Variants in SPTBN5 observed in about 807,000 individuals in gnomAD.
SPTBN5 encodes the protein spectrin beta chain, non-erythrocytic 5.
Under a neutral mutation model 477.6 loss-of-function variants are expected in SPTBN5, and 513 were observed. The observed-to-expected ratio is 1.07, with a 90% CI of 1.00 to 1.16. The LOEUF (loss-of-function observed/expected upper bound fraction) is 1.16, where lower values mean the gene tolerates loss of function less well. Among genes scored for constraint, SPTBN5 ranks in the 50% most tolerant of loss-of-function variants. SPTBN5 has a pLI of 0.00. For synonymous variants in SPTBN5, 2,169 were observed against 2,011.7 expected, an observed-to-expected ratio of 1.08 and a Z score of -2.09; for missense variants, 5,062 against 4,731.8, an observed-to-expected ratio of 1.07 and a Z score of -2.05.
At position 41,882,034 on chromosome 15, in the gene SPTBN5, G is replaced by A. The variant is rs932114416; in HGVS notation, c.2359C>T (p.His787Tyr). ...QAAAETLLRRHVRLERVLRAF... is the reference protein window; with the variant it reads ...QAAAETLLRRYVRLERVLRAF... ...CGCAGGACGCGCTCCAGCCGCACGTGGCGCCTCAGCAGGGTCTCGGCGGCC... is the reference window on the plus strand; with the variant it reads ...CGCAGGACGCGCTCCAGCCGCACGTAGCGCCTCAGCAGGGTCTCGGCGGCC... Residue 787 changes from histidine to tyrosine, a missense_variant, in exon 12 of 68, where the codon CAC (histidine) becomes TAC (tyrosine). Physicochemically the swap from His to Tyr is moderately conservative, Grantham distance 83 (BLOSUM62 2). Transcript: ENST00000320955. The A allele has an allele frequency of 3.2e-6, 5 of 1,549,656 alleles. No homozygotes were observed. The highest frequency in any genetic ancestry group is 1.4e-5 in the African/African-American group (1 of 71,394).
chr15:41,871,484 C>T lies in SPTBN5; in HGVS notation c.5338G>A (p.Val1780Met), dbSNP rs768129231. ...CTKFAKFQHQ[V>M]EMGSQRVAAC... ...GCCACCCGCTGGCTGCCCATCTCCACTTGGTGCTGAAACTTTGCAAACTTG... is the reference window on the plus strand; with the variant it reads ...GCCACCCGCTGGCTGCCCATCTCCATTTGGTGCTGAAACTTTGCAAACTTG... The change falls in exon 29 of 68, where the codon GTG (valine) becomes ATG (methionine). Residue 1780 changes from valine to methionine, a missense_variant. Transcript: ENST00000320955. 4 of 1,529,396 alleles carry T rather than the reference C, an allele frequency of 2.6e-6. No homozygotes were observed. The highest frequency in any genetic ancestry group is 3.5e-6 in the Non-Finnish European group (4 of 1,137,246). The allele number at this position is 1,529,396 out of a possible 1,614,324, so 94.7% of individuals were successfully genotyped here.
chr15:41,868,034 G>A (rs1161055020), intron 34 of SPTBN5, 35 bp downstream of exon 34: 1 of 1,573,896 alleles, frequency 6.4e-7, no homozygotes, highest in Admixed American at 1.8e-5. Flanking sequence ...AGGAGCAGGA[G>A]GCTGAGCGGA....
rs922596080 is a variant in SPTBN5, at chr15:41,868,077, C to T, written c.6199G>A (p.Ala2067Thr). The T allele has an allele frequency of 1.2e-6, 2 of 1,600,996 alleles. No homozygotes were observed. The highest frequency in any genetic ancestry group is 8.5e-7 in the Non-Finnish European group (1 of 1,177,238). The change falls in exon 34 of 68, where the codon GCC (alanine) becomes ACC (threonine). Residue 2067 changes from alanine to threonine, a missense_variant. By Grantham distance (58) the Ala-to-Thr change is moderately conservative (BLOSUM62 0). Coordinates refer to ENST00000320955, the MANE Select transcript of SPTBN5 (RefSeq NM_016642.4). ...ECGRLEEILAAQEVSLKTSAL... is the reference protein window; with the variant it reads ...ECGRLEEILATQEVSLKTSAL... ...GGCGGGAGGGGACCTGCCTCCTGGG[C>T]CGCGAGGATCTCCTCCAGGCGGCCG... is the stretch of plus-strand genomic sequence containing the variant.
chr15:41,863,835 G>A lies in SPTBN5; in HGVS notation c.7035-17C>T. The A allele has an allele frequency of 6.2e-7, 1 of 1,613,392 alleles. No individual in the cohort carries two copies. The highest frequency in any genetic ancestry group is 1.1e-5 in the South Asian group (1 of 91,058). On this transcript the variant is annotated splice_polypyrimidine_tract_variant and intron_variant, in intron 40 of 67. Coordinates refer to ENST00000320955, the MANE Select transcript of SPTBN5 (RefSeq NM_016642.4). The stretch of plus-strand genomic sequence containing the variant: ...CTCGCCCACCTGGCCAAGGGGTGGT[G>A]GTGTCATGTGGAGCCTGAGGTGGCC...
At chr15:41,855,093 C>G (rs2065893508) in intron 55 of SPTBN5, 117 bp from the exon 56 acceptor site, 1 of 1,424,194 alleles carries the variant, frequency 7.0e-7, no homozygotes, top group Non-Finnish European at 9.4e-7. Flanking sequence ...GGTTCTGGAA[C>G]CATCGGGATC....
intron 49 of SPTBN5, among the ~76,000 whole-genome samples, chr15:41,857,912 A>G (rs894407421): frequency 2.0e-5 from 3 of 152,254 alleles, no homozygotes; most frequent in African/African-American, 7.2e-5. Flanking sequence ...AAATGAGATA[A>G]GTCATATAAA....
Position 41,863,890 on chromosome 15 carries a change from TC to T in SPTBN5, c.7034+18del. 1 of 1,613,498 alleles carries T rather than the reference TC, an allele frequency of 6.2e-7. No homozygotes were observed. Among genetic ancestry groups the T allele is most frequent in the Non-Finnish European group, 8.5e-7 (1 of 1,179,612 alleles). On this transcript the variant is annotated intron_variant, in intron 40 of 67. Coordinates refer to ENST00000320955, the MANE Select transcript of SPTBN5 (RefSeq NM_016642.4). ...ACCCCTCTTCCCGGCCCTTTGGTTC[TC>T]CCCAGCCTGGGACTGGCCTGTTGTT...
intron 59 of SPTBN5, 22 bp downstream of exon 59, chr15:41,853,236 G>T: frequency 6.4e-7 from 1 of 1,566,566 alleles, no homozygotes; most frequent in Non-Finnish European, 8.7e-7. Flanking sequence ...CCCAACCCCA[G>T]GCCCACCCTC....
rs1373627568 is a variant in SPTBN5, at chr15:41,871,408, C to T, written c.5414G>A (p.Gly1805Asp). 2 of 1,530,726 alleles carry T rather than the reference C, an allele frequency of 1.3e-6. No homozygotes were observed. The highest frequency in any genetic ancestry group is 4.1e-5 in the Admixed American group (2 of 49,348). 94.8% of individuals were successfully genotyped at this position (1,530,726 alleles called of 1,614,324 possible). ...CTGCTGCCTCTGACGGACCATGGGG[C>T]CAGCACTGTGCCCACGCTCTAGCAG... ...ESLLERGHSA[G>D]PMVRQRQQDL... The change falls in exon 29 of 68, where the codon GGC becomes GAC. Residue 1805 changes from glycine to aspartate, a missense_variant. Physicochemically the swap from Gly to Asp is moderately conservative, Grantham distance 94 (BLOSUM62 -1). Coordinates refer to ENST00000320955, the MANE Select transcript of SPTBN5 (RefSeq NM_016642.4).
intron 34 of SPTBN5, 142 bp downstream of exon 34, chr15:41,867,927 T>C: frequency 2.1e-5 from 25 of 1,188,188 alleles, no homozygotes; most frequent in Non-Finnish European, 2.6e-5. Flanking sequence ...CACTTCACCA[T>C]GGCCACCTGG....
chr15:41,848,556 G>GT lies in SPTBN5; in HGVS notation c.*59_*60insA, dbSNP rs2065631905. ...TTTGCCTGTAGCTGAGTCTTATTCT[G>GT]GTCCCTTAGATGTGTCCTCGCTTGT... is the stretch of plus-strand genomic sequence containing the variant. On this transcript the variant is annotated 3_prime_UTR_variant, in exon 68 of 68. Coordinates refer to ENST00000320955, the MANE Select transcript of SPTBN5 (RefSeq NM_016642.4). 1.2e-6 allele frequency: 2 copies of GT among 1,604,768 alleles called. No individual in the cohort carries two copies. Among genetic ancestry groups the GT allele is most frequent in the South Asian group, 1.1e-5 (1 of 90,900 alleles).
chr15:41,871,362 G>A lies in SPTBN5; in HGVS notation c.5447+13C>T, dbSNP rs184846321. 2.2e-4 allele frequency: 311 copies of A among 1,411,162 alleles called. No individual in the cohort carries two copies. The East Asian group carries it at 3.9e-3, about 18-fold the overall frequency. The allele number at this position is 1,411,162 out of a possible 1,614,324, so 87.4% of individuals were successfully genotyped here. On this transcript the variant is annotated intron_variant, in intron 29 of 67. Coordinates refer to ENST00000320955, the MANE Select transcript of SPTBN5 (RefSeq NM_016642.4). ...CCCAAACCCCATGCTGGCCTGGCCC[G>A]TTGGGCACTCACTGCAGATCCTGCT...
At position 41,878,547 on chromosome 15, in the gene SPTBN5, C is replaced by T; in HGVS notation, c.3265G>A (p.Glu1089Lys). 1.2e-6 allele frequency: 2 copies of T among 1,612,944 alleles called. No individual in the cohort carries two copies. The highest frequency in any genetic ancestry group is 1.7e-6 in the Non-Finnish European group (2 of 1,179,734). Reference protein sequence around the residue: ...TLQGLLKQVQEQVAQRARRQA... With the variant: ...TLQGLLKQVQKQVAQRARRQA... ...CGCCGGGCCCGTTGGGCCACTTGTT[C>T]CTGTACTTGCTTCAGCAGCCCCTGC... The change falls in exon 17 of 68, where the codon GAA becomes AAA. Residue 1089 changes from glutamate (E) to lysine (K), a missense_variant. Coordinates refer to ENST00000320955, the MANE Select transcript of SPTBN5 (RefSeq NM_016642.4).
rs763710896 is a variant in SPTBN5 at position 41,887,901 on chromosome 15, G to A, written c.659+27C>T. 3.1e-6 allele frequency: 5 copies of A among 1,596,426 alleles called. 1 individual carries two copies. The highest frequency in any genetic ancestry group is 4.3e-6 in the Non-Finnish European group (5 of 1,170,488). On this transcript the variant is annotated intron_variant, in intron 5 of 67. Transcript: ENST00000320955. ...AGGAGCTGTTGGCTCAGTGGGCAGA[G>A]GCCTCCTGACAAGGGTGGGGTCACA...
chr15:41,854,143 C>A lies in SPTBN5; in HGVS notation c.9681G>T (p.Arg3227Ser), dbSNP rs1332963220. The A allele has an allele frequency of 6.3e-7, 1 of 1,595,930 alleles. No homozygotes were observed. Among genetic ancestry groups the A allele is most frequent in the Non-Finnish European group, 8.5e-7 (1 of 1,171,702 alleles). ...FQQAAAELQG[R>S]MQEKTALMKG... ...TCATCAGGGCCGTCTTCTCCTGCAT[C>A]CTTCCCTGGAGCTCAGCTGCTGCCT... The change falls in exon 57 of 68, where the codon AGG (arginine) becomes AGT (serine). Residue 3227 changes from arginine (R) to serine (S), a missense_variant. Coordinates refer to ENST00000320955, the MANE Select transcript of SPTBN5 (RefSeq NM_016642.4).
Position 41,880,192 on chromosome 15 carries a change from C to G in SPTBN5, c.2779G>C (p.Asp927His), listed in dbSNP as rs771687944. 1.2e-6 allele frequency: 2 copies of G among 1,604,566 alleles called. No individual in the cohort carries two copies. Among genetic ancestry groups the G allele is most frequent in the African/African-American group, 2.7e-5 (2 of 74,684 alleles). The change falls in exon 14 of 68, where the codon GAC (aspartate) becomes CAC (histidine). Residue 927 changes from aspartate (D) to histidine (H), a missense_variant. By Grantham distance (81) the Asp-to-His change is moderately conservative. Coordinates refer to ENST00000320955, the MANE Select transcript of SPTBN5 (RefSeq NM_016642.4). The part of the protein sequence containing the change: ...VLLQRVQPQA[D>H]TLEVMQLKYE... ...TTGAGCTGCATGACCTCCAGGGTGTCAGCCTGGGGCTGCACCCTTTGGAGC... is the reference window on the plus strand; with the variant it reads ...TTGAGCTGCATGACCTCCAGGGTGTGAGCCTGGGGCTGCACCCTTTGGAGC...
At chr15:41,851,210 C>T (rs2065747975) in intron 64 of SPTBN5, 60 bp from the exon 65 acceptor site, 2 of 1,578,454 alleles carry the variant, frequency 1.3e-6, no homozygotes, top group Admixed American at 3.7e-5. Context: ...CTGTGGGGTC[C>T]CTCTGTCCTG....
intron 39 of SPTBN5, among the ~76,000 whole-genome samples, chr15:41,865,330 T>C (rs1472697489): frequency 6.6e-6 from 1 of 152,176 alleles, no homozygotes; most frequent in East Asian, 1.9e-4. Flanking sequence ...CCTATCTTTT[T>C]AAGATTTTTT....
At position 41,882,262 on chromosome 15, in the gene SPTBN5, C is replaced by T. The variant is rs1452069431; in HGVS notation, c.2247+7G>A. 1 of 1,471,876 alleles carries T rather than the reference C, an allele frequency of 6.8e-7. No individual in the cohort carries two copies. The highest frequency in any genetic ancestry group is 2.2e-5 in the Admixed American group (1 of 44,706). The allele number at this position is 1,471,876 out of a possible 1,614,324, so 91.2% of individuals were successfully genotyped here. A position where few individuals can be genotyped will look rare whatever the true frequency, so the allele number is the denominator to read the frequency against. The stretch of plus-strand genomic sequence containing the variant: ...GCCCCCACCCCGCCTCCACCCCTCC[C>T]CACTACCTGCAGGACCAGCAGGGCT... On this transcript the variant is annotated splice_region_variant and intron_variant, in intron 11 of 67. Coordinates refer to ENST00000320955, the MANE Select transcript of SPTBN5 (RefSeq NM_016642.4).
Sources: gnomAD v4.1 joint callset for allele counts (sites outside exome capture counted in the v4.1 genomes callset) on GRCh38, gnomAD v4.1.1 for gene constraint, MANE v1.5 for transcripts, NCBI Gene and HGNC (gene_info 2026-07-23, HGNC 2026-07-21) for gene names.